The following PLD5 variants were observed in gnomAD, a reference collection of about 807,000 sequenced individuals.
The protein encoded by PLD5 is phospholipase D family member 5.
A neutral mutation model predicts 61.1 loss-of-function variants in PLD5; 36 were observed. The observed-to-expected ratio is 0.59, with a 90% CI of 0.45 to 0.78. The LOEUF (loss-of-function observed/expected upper bound fraction) is 0.78. Among genes scored for constraint, PLD5 ranks in the 30% least tolerant of loss-of-function variants. The pLI, the probability that PLD5 is intolerant of heterozygous loss-of-function variation, is 0.00. For synonymous variants in PLD5, 243 were observed against 242.8 expected, an observed-to-expected ratio of 1.00 and a Z score of -0.01; for missense variants, 515 against 644.4, an observed-to-expected ratio of 0.80 and a Z score of 2.17.
chr1:242,220,677 A>C (rs1024468732), intron 4 of PLD5, among the ~76,000 whole-genome samples: 6 of 149,334 alleles, frequency 4.0e-5, no homozygotes, highest in Non-Finnish European at 4.5e-5. Flanking sequence ...TCTCTTCTTC[A>C]TCTTTATCTG....
chr1:242,362,418 T>C (rs1661119163), intron 1 of PLD5, among the ~76,000 whole-genome samples: 1 of 152,236 alleles, frequency 6.6e-6, no homozygotes, highest in Non-Finnish European at 1.5e-5. Flanking sequence ...TAATTTTCAC[T>C]ATAGTTATTG....
chr1:242,260,600 C>T (rs930229381), intron 4 of PLD5, among the ~76,000 whole-genome samples: 2 of 152,094 alleles, frequency 1.3e-5, no homozygotes, highest in Admixed American at 6.5e-5. Context: ...AAATGAAAAG[C>T]TGTATGAAAG....
intron 1 of PLD5, among the ~76,000 whole-genome samples, chr1:242,521,109 C>T (rs1056115254): frequency 6.6e-6 from 1 of 152,154 alleles, no homozygotes. Flanking sequence ...ATTCAAAGTC[C>T]AGAATTCTTG....
chr1:242,375,858 T>C lies in PLD5; in HGVS notation c.190-27616A>G, dbSNP rs535273826. Among the ~76,000 whole-genome samples, 27 of 152,260 alleles carry C rather than the reference T, an allele frequency of 1.8e-4. No individual in the cohort carries two copies. The East Asian group carries it at 3.5e-3, about 20-fold the overall frequency. ...CAATTGCAATACACAGGCGGCTGCATTGATAAGTCGGTGGTTGAAGTTGCA... is the reference window on the plus strand; with the variant it reads ...CAATTGCAATACACAGGCGGCTGCACTGATAAGTCGGTGGTTGAAGTTGCA... On this transcript the variant is annotated intron_variant, in intron 1 of 9. Coordinates refer to ENST00000536534, the MANE Select transcript of PLD5 (RefSeq NM_001372062.1).
intron 5 of PLD5, among the ~76,000 whole-genome samples, chr1:242,177,431 G>T (rs144701191): frequency 1.8e-4 from 28 of 152,254 alleles, no homozygotes; most frequent in African/African-American, 6.7e-4. Flanking sequence ...AGGGGGCTAT[G>T]GGAGGGATAG....
chr1:242,139,003 C>G (rs1011824991), intron 5 of PLD5, among the ~76,000 whole-genome samples: 7 of 152,210 alleles, frequency 4.6e-5, no homozygotes, highest in Non-Finnish European at 8.8e-5. Flanking sequence ...TTAGGACCTA[C>G]TGTCAAATCT....
At chr1:242,275,417 G>C (rs1674357823) in intron 3 of PLD5, among the ~76,000 whole-genome samples, 1 of 151,874 alleles carries the variant, frequency 6.6e-6, no homozygotes, top group Non-Finnish European at 1.5e-5. Flanking sequence ...TTAGTTTGTA[G>C]GATATACAAA....
intron 6 of PLD5, among the ~76,000 whole-genome samples, chr1:242,116,527 G>A (rs1661959432): frequency 6.6e-6 from 1 of 152,170 alleles, no homozygotes; most frequent in African/African-American, 2.4e-5. Context: ...CAGGTAGTGA[G>A]AATAGTACTC....
At chr1:242,394,969 T>TATATATGATTA (rs1663415754) in intron 1 of PLD5, among the ~76,000 whole-genome samples, 2 of 60,444 alleles carry the variant, frequency 3.3e-5, no homozygotes, top group African/African-American at 7.8e-5. Flanking sequence ...ATATATATGA[T>TATATATGATTA]TATATATGAA....
chr1:242,263,340 C>T (rs1304000270), intron 4 of PLD5, among the ~76,000 whole-genome samples: 1 of 151,658 alleles, frequency 6.6e-6, no homozygotes. Flanking sequence ...TAGAATTTTG[C>T]TAAAAGACTA....
At chr1:242,194,824 C>G (rs2148940135) in intron 5 of PLD5, among the ~76,000 whole-genome samples, 1 of 152,134 alleles carries the variant, frequency 6.6e-6, no homozygotes, top group Non-Finnish European at 1.5e-5. Flanking sequence ...GGGAGCCAAA[C>G]TATGAGGATG....
intron 1 of PLD5, 85 bp downstream of exon 1, chr1:242,524,003 C>G: frequency 7.1e-7 from 1 of 1,399,156 alleles, no homozygotes; most frequent in Non-Finnish European, 9.4e-7. Context: ...GCCCCCCGCG[C>G]CCCGCGCGCG....
chr1:242,444,022 A>T (rs1049483990), intron 1 of PLD5, among the ~76,000 whole-genome samples: 4 of 152,184 alleles, frequency 2.6e-5, no homozygotes, highest in Non-Finnish European at 5.9e-5. Flanking sequence ...AGTATCCAGG[A>T]GGCTCAACAA....
Position 242,173,850 on chromosome 1 carries a change from G to C in PLD5, c.735+46138C>G, listed in dbSNP as rs149804183. Among the ~76,000 whole-genome samples, 3 of 152,300 alleles carry C rather than the reference G, an allele frequency of 2.0e-5. No individual in the cohort carries two copies. In the South Asian group the frequency reaches 6.2e-4, roughly 32 times the overall value. The stretch of plus-strand genomic sequence containing the variant: ...TGGGAAAACTGGCTAGCCATATGTA[G>C]AAAGCTGAAACTGGATCCCTTCCTT... On this transcript the variant is annotated intron_variant, in intron 5 of 9. Coordinates refer to ENST00000536534, the MANE Select transcript of PLD5 (RefSeq NM_001372062.1).
At chr1:242,326,777 G>A (rs920537585) in intron 2 of PLD5, among the ~76,000 whole-genome samples, 3 of 152,016 alleles carry the variant, frequency 2.0e-5, no homozygotes, top group African/African-American at 7.2e-5. Context: ...CATGATCACA[G>A]CTCACTGTAG....
intron 1 of PLD5, among the ~76,000 whole-genome samples, chr1:242,443,234 T>G (rs1287666326): frequency 6.6e-6 from 1 of 152,158 alleles, no homozygotes; most frequent in Non-Finnish European, 1.5e-5. Flanking sequence ...TTATATTTTG[T>G]TTTTACTATT....
At chr1:242,263,269 G>T (rs796998337) in intron 4 of PLD5, among the ~76,000 whole-genome samples, 71 of 151,412 alleles carry the variant, frequency 4.7e-4, no homozygotes, top group South Asian at 2.3e-3. Context: ...AGCTGAAATT[G>T]CTCATGGCTT....
intron 4 of PLD5, among the ~76,000 whole-genome samples, chr1:242,252,055 G>C (rs1672733300): frequency 6.6e-6 from 1 of 152,192 alleles, no homozygotes; most frequent in Admixed American, 6.5e-5. Context: ...TGTGAGTATA[G>C]CTGTGAGTAT....
At chr1:242,124,382 T>C (rs10926623) in intron 6 of PLD5, 86 bp downstream of exon 6, 131,372 of 1,358,394 alleles carry the variant, frequency 0.097, 7,110 homozygotes, top group South Asian at 0.18. Flanking sequence ...TTTTGCCCAA[T>C]ACAAGATCAC....
Sources: allele counts gnomAD v4.1 joint callset (sites outside exome capture counted in the v4.1 genomes callset), GRCh38; gene constraint gnomAD v4.1.1; transcripts MANE v1.5; gene names NCBI Gene and HGNC (gene_info 2026-07-23, HGNC 2026-07-21).